The following LAMA3 variants were observed in gnomAD, a reference collection of about 807,000 sequenced individuals.
LAMA3 encodes the protein laminin subunit alpha 3, also known as laminin subunit alpha-3.
A neutral mutation model predicts 402.0 loss-of-function variants in LAMA3; 281 were observed. That is an observed-to-expected ratio of 0.70 (90% confidence interval 0.63 to 0.77). The LOEUF is 0.77. Among genes scored for constraint, LAMA3 ranks in the 30% least tolerant of loss-of-function variants. LAMA3 has a pLI of 0.00. For missense variants in LAMA3, 3,840 were observed against 4,215.5 expected, an observed-to-expected ratio of 0.91 and a Z score of 2.47; for synonymous variants, 1,431 against 1,558.4, an observed-to-expected ratio of 0.92 and a Z score of 1.93.
At chr18:23,697,712 A>C (rs369750184) in intron 1 of LAMA3, among the ~76,000 whole-genome samples, 1,512 of 108,044 alleles carry the variant, frequency 0.014, 11 homozygotes, top group South Asian at 0.085. Context: ...CCCCCGCCCC[A>C]AAAAAAAATC....
chr18:23,953,327 T>TG (rs2082989662), intron 74 of LAMA3, among the ~76,000 whole-genome samples: 2 of 5,972 alleles, frequency 3.3e-4, no homozygotes, highest in South Asian at 0.024. Flanking sequence ...GTAATTTTGT[T>TG]TTTTTTTTTT....
At chr18:23,934,840 C>T (rs761231153) in intron 67 of LAMA3, among the ~76,000 whole-genome samples, 2 of 152,218 alleles carry the variant, frequency 1.3e-5, no homozygotes, top group Non-Finnish European at 2.9e-5. Flanking sequence ...ACACTTTCCA[C>T]TTAATGTCAA....
intron 12 of LAMA3, among the ~76,000 whole-genome samples, chr18:23,787,204 C>T (rs1174290351): frequency 6.6e-6 from 1 of 152,152 alleles, no homozygotes; most frequent in Non-Finnish European, 1.5e-5. Context: ...ATTGCTTGAA[C>T]CTGGGAGGCA....
intron 23 of LAMA3, among the ~76,000 whole-genome samples, chr18:23,832,601 T>C (rs1043327221): frequency 6.6e-6 from 1 of 152,158 alleles, no homozygotes; most frequent in Non-Finnish European, 1.5e-5. Context: ...TGTACACACT[T>C]TGACCCAGCA....
Position 23,915,360 on chromosome 18 carries a change from G to A in LAMA3, c.7716G>A (p.Leu2572=), listed in dbSNP as rs1265975644. 6.2e-7 allele frequency: 1 copy of A among 1,613,464 alleles called. No individual in the cohort carries two copies. Among genetic ancestry groups the A allele is most frequent in the Non-Finnish European group, 8.5e-7 (1 of 1,179,574 alleles). The part of the protein sequence containing the change: ...IELDDLNENV[L]SLYNFKKTFN... The stretch of plus-strand genomic sequence containing the variant: ...TAGATGACCTCAATGAAAATGTTCT[G>A]AGCTTGTACAACTTCAAAAAAACAT... Residue 2572 remains leucine (L), a synonymous_variant, in exon 59 of 75, where the codon CTG becomes CTA. Transcript: ENST00000313654.
chr18:23,709,956 G>A (rs973816820), intron 1 of LAMA3: 2 of 728,744 alleles, frequency 2.7e-6, no homozygotes, highest in Admixed American at 3.5e-5. Context: ...CTTCTTCACA[G>A]CCTGTTTGAT....
chr18:23,934,684 G>A (rs1173662852), intron 67 of LAMA3, among the ~76,000 whole-genome samples: 1 of 152,178 alleles, frequency 6.6e-6, no homozygotes, highest in Non-Finnish European at 1.5e-5. Flanking sequence ...CACTCCAGAT[G>A]GATTTTCTTA....
At chr18:23,936,019 A>C (rs2145433601) in intron 67 of LAMA3, among the ~76,000 whole-genome samples, 1 of 152,076 alleles carries the variant, frequency 6.6e-6, no homozygotes, top group Non-Finnish European at 1.5e-5. Flanking sequence ...ATGCATCCTC[A>C]CCAGACTGAC....
chr18:23,761,445 A>G (rs897447829), intron 7 of LAMA3, among the ~76,000 whole-genome samples: 11 of 152,252 alleles, frequency 7.2e-5, no homozygotes, highest in African/African-American at 2.7e-4. Context: ...AAACAAAGAC[A>G]GGTTGGAATT....
At chr18:23,775,736 T>C in intron 9 of LAMA3, 56 bp from the exon 10 acceptor site, 1 of 1,604,820 alleles carries the variant, frequency 6.2e-7, no homozygotes, top group East Asian at 2.2e-5. Flanking sequence ...TGGAACATAT[T>C]TGCTTTGTTA....
At position 23,753,712 on chromosome 18, in the gene LAMA3, G is replaced by T; in HGVS notation, c.856-9G>T. On this transcript the variant is annotated splice_polypyrimidine_tract_variant and intron_variant, in intron 5 of 74. Coordinates refer to ENST00000313654, the MANE Select transcript of LAMA3 (RefSeq NM_198129.4). ...GTGAAACTTGCATGTTCTGTGTTCT[G>T]TTGTGCAGTATTATTACAGCATAAA... 1.2e-6 allele frequency: 2 copies of T among 1,606,530 alleles called. No individual in the cohort carries two copies. The highest frequency in any genetic ancestry group is 1.7e-6 in the Non-Finnish European group (2 of 1,173,090).
chr18:23,954,583 G>T lies in LAMA3; in HGVS notation c.9937G>T (p.Val3313Phe), dbSNP rs377024118. The change falls in exon 75 of 75, where the codon GTC (valine) becomes TTC (phenylalanine). Residue 3313 changes from valine to phenylalanine, a missense_variant. By Grantham distance (50) the Val-to-Phe change is conservative. This residue lies in a region of LAMA3 where 840 missense variants were observed against 981.9 expected (regional missense o/e 0.86). Transcript: ENST00000313654. ...LRNIHVNHIP[V>F]PVTEALEVQG... ...GAATATTCATGTCAATCACATCCCT[G>T]TCCCTGTCACTGAAGCCTTGGAAGT... 2.5e-6 allele frequency: 4 copies of T among 1,613,698 alleles called. No homozygotes were observed. The African/African-American group carries it at 5.3e-5, about 22-fold the overall frequency.
rs562883923 is a variant in LAMA3, at chr18:23,918,993, G to A, written c.7924-1942G>A. Reference sequence around the variant, plus strand: ...CATCCAGCATCTTCAGGACACGGCAGTTGTTTTACAAAACAAGGTCTTCTT... The same window carrying A: ...CATCCAGCATCTTCAGGACACGGCAATTGTTTTACAAAACAAGGTCTTCTT... On this transcript the variant is annotated intron_variant, in intron 60 of 74. Transcript: ENST00000313654. This position sits in a 1 kb window ranked among gnomAD's most constrained non-coding sequence, Gnocchi z 4.1. 4.0e-4 allele frequency among the ~76,000 whole-genome samples: 61 copies of A among 152,346 alleles called. No individual in the cohort carries two copies. In the South Asian group the frequency reaches 0.013, roughly 32 times the overall value.
At chr18:23,920,225 A>G (rs2081784251) in intron 60 of LAMA3, among the ~76,000 whole-genome samples, 1 of 152,156 alleles carries the variant, frequency 6.6e-6, no homozygotes, top group South Asian at 2.1e-4. Flanking sequence ...AGCCTGTAGG[A>G]GGCATGTAGG....
chr18:23,730,542 AT>A (rs750186231), intron 2 of LAMA3, among the ~76,000 whole-genome samples: 2 of 151,382 alleles, frequency 1.3e-5, no homozygotes, highest in Non-Finnish European at 2.9e-5. Context: ...TAATTTTTGT[AT>A]TTTTGTAGAG....
intron 59 of LAMA3, 23 bp from the exon 60 acceptor site, chr18:23,916,528 T>C: frequency 6.2e-7 from 1 of 1,613,596 alleles, no homozygotes; most frequent in South Asian, 1.1e-5. Context: ...TGTGTTCTAA[T>C]TTATGATGAT....
At position 23,858,750 on chromosome 18, in the gene LAMA3, C is replaced by A. The variant is rs2064145060; in HGVS notation, c.4343C>A (p.Ala1448Asp). The A allele has an allele frequency of 6.2e-7, 1 of 1,613,972 alleles. No individual in the cohort carries two copies. Residue 1448 changes from alanine to aspartate, a missense_variant, in exon 34 of 75, where the codon GCC becomes GAC. Ala to Asp is a moderately radical substitution (Grantham distance 126). This residue lies in a region of LAMA3 where 2,109 missense variants were observed against 2,376.0 expected (regional missense o/e 0.89). Transcript: ENST00000313654. The part of the protein sequence containing the change: ...CREGSFHLDP[A>D]NLKGCTSCFC... ...GAAGGCTCATTCCATTTGGACCCAG[C>A]CAATCTCAAGGGTTGTACCAGCTGT... is the stretch of plus-strand genomic sequence containing the variant.
At chr18:23,757,481 C>A (rs2061873129) in intron 6 of LAMA3, among the ~76,000 whole-genome samples, 1 of 151,682 alleles carries the variant, frequency 6.6e-6, no homozygotes, top group South Asian at 2.1e-4. Flanking sequence ...CCAGCCCCCA[C>A]CCTCACTGCC....
At position 23,839,272 on chromosome 18, in the gene LAMA3, T is replaced by C. The variant is rs1339704984; in HGVS notation, c.3191+394T>C. Among the ~76,000 whole-genome samples the C allele has an allele frequency of 6.6e-6, 1 of 152,166 alleles. No individual in the cohort carries two copies. The highest frequency in any genetic ancestry group is 1.9e-4 in the East Asian group (1 of 5,200). Reference sequence around the variant, plus strand: ...TGATGAGAATCAGCTAACTAATGCTTATTGGGGTTTTGGTAGGGTTGTTTT... The same window carrying C: ...TGATGAGAATCAGCTAACTAATGCTCATTGGGGTTTTGGTAGGGTTGTTTT... On this transcript the variant is annotated intron_variant, in intron 26 of 74. Transcript: ENST00000313654. This position sits in a 1 kb window ranked among gnomAD's most constrained non-coding sequence, Gnocchi z 4.5.
Sources: allele counts gnomAD v4.1 joint callset (sites outside exome capture counted in the v4.1 genomes callset), GRCh38; gene constraint gnomAD v4.1.1; regional missense constraint gnomAD v4.1.1; non-coding constraint Gnocchi (gnomAD v3.1); transcripts MANE v1.5; gene names NCBI Gene and HGNC (gene_info 2026-07-23, HGNC 2026-07-21).